The following EDC3 variants were observed in gnomAD, a reference collection of about 807,000 sequenced individuals.
EDC3 encodes enhancer of mRNA decapping 3.
A neutral mutation model predicts 41.8 loss-of-function variants in EDC3; 20 were observed. The ratio of observed to expected loss-of-function variants is 0.48; its 90% CI spans 0.34 to 0.70. The LOEUF is 0.70. EDC3 is among the 30% of genes least tolerant of loss of function. The pLI is 0.01. For missense variants in EDC3, 444 were observed against 636.8 expected (o/e 0.70, Z 3.26); for synonymous variants, 206 against 243.2 (o/e 0.85, Z 1.42).
intron 4 of EDC3, chr15:74,641,368 G>A (rs756662830): frequency 6.6e-6 from 1 of 152,470 alleles, no homozygotes; most frequent in African/African-American, 2.4e-5. Context: ...AAAGTACACT[G>A]TGGAAAATAC....
At chr15:74,646,591 G>A (rs1032152505) in intron 4 of EDC3, among the ~76,000 whole-genome samples, 1 of 152,208 alleles carries the variant, frequency 6.6e-6, no homozygotes, top group African/African-American at 2.4e-5. Context: ...CTCCAGGTAG[G>A]AGTGGAGAAC....
chr15:74,633,405 A>G (rs975649006), intron 6 of EDC3, among the ~76,000 whole-genome samples: 1 of 152,204 alleles, frequency 6.6e-6, no homozygotes, highest in African/African-American at 2.4e-5. Context: ...TGCTGACCCA[A>G]GAAGGGTGAG....
chr15:74,690,791 G>A lies in EDC3; in HGVS notation c.-19+5089C>T, dbSNP rs566630459. Among the ~76,000 whole-genome samples, 49 of 150,582 alleles carry A rather than the reference G, an allele frequency of 3.3e-4. 1 individual carries two copies. In the South Asian group the frequency reaches 8.6e-3, roughly 26 times the overall value. On this transcript the variant is annotated intron_variant, in intron 1 of 6. Coordinates refer to ENST00000315127, the MANE Select transcript of EDC3 (RefSeq NM_025083.5). ...GCAAGACTGTTTCCACCCCCACCCCGCCTCAGAAAAAGAAATCCAGCACAA... is the reference window on the plus strand; with the variant it reads ...GCAAGACTGTTTCCACCCCCACCCCACCTCAGAAAAAGAAATCCAGCACAA...
chr15:74,678,306 A>G (rs1488307023), intron 1 of EDC3, among the ~76,000 whole-genome samples: 1 of 152,194 alleles, frequency 6.6e-6, no homozygotes, highest in Non-Finnish European at 1.5e-5. Context: ...GAATGTTGAC[A>G]GCAGAGAGGG....
At chr15:74,682,347 G>A (rs891027357) in intron 1 of EDC3, among the ~76,000 whole-genome samples, 34 of 151,792 alleles carry the variant, frequency 2.2e-4, no homozygotes, top group Admixed American at 1.8e-3. Context: ...GGCTGGGCAC[G>A]GTGGCTCACG....
At chr15:74,653,531 C>T (rs2062507383) in intron 4 of EDC3, among the ~76,000 whole-genome samples, 1 of 152,144 alleles carries the variant, frequency 6.6e-6, no homozygotes, top group East Asian at 1.9e-4. Flanking sequence ...AAAAGGGCTT[C>T]CTTTCCACTC....
chr15:74,655,681 A>G (rs2062537713), intron 4 of EDC3, 52 bp downstream of exon 4: 10 of 1,523,362 alleles, frequency 6.6e-6, no homozygotes, highest in South Asian at 1.3e-5. Flanking sequence ...TGTTTCAAGC[A>G]TAATAGAAAG....
chr15:74,693,031 G>A (rs2063025858), intron 1 of EDC3: 1 of 152,086 alleles, frequency 6.6e-6, no homozygotes, highest in South Asian at 2.1e-4. Context: ...GAAATGACAA[G>A]GAGAAAAATA....
chr15:74,633,754 G>T (rs550089686), intron 6 of EDC3, among the ~76,000 whole-genome samples: 1 of 152,352 alleles, frequency 6.6e-6, no homozygotes, highest in Non-Finnish European at 1.5e-5. Context: ...GCAAGAGGAA[G>T]AACTGCCTGG....
intron 4 of EDC3, chr15:74,641,370 GGAAAATACTTGGTTTTTCAAGGC>G (rs2062349744): frequency 6.6e-6 from 1 of 152,438 alleles, no homozygotes; most frequent in South Asian, 2.1e-4. Context: ...AGTACACTGT[GGAAAATACTTGGTTTTTCAAGGC>G]TCAAAGCCAA....
chr15:74,652,458 G>C (rs2062492370), intron 4 of EDC3, among the ~76,000 whole-genome samples: 1 of 152,014 alleles, frequency 6.6e-6, no homozygotes, highest in South Asian at 2.1e-4. Flanking sequence ...TCCATCTCCT[G>C]ACCTCGTGAT....
chr15:74,639,256 TA>T (rs2062316445), intron 5 of EDC3: 2 of 152,220 alleles, frequency 1.3e-5, no homozygotes, highest in African/African-American at 2.4e-5. Context: ...CAAGACTAAC[TA>T]TGTCATAGCT....
intron 1 of EDC3, among the ~76,000 whole-genome samples, chr15:74,677,436 T>C (rs150192028): frequency 5.3e-4 from 79 of 148,532 alleles, no homozygotes; most frequent in South Asian, 1.1e-3. Flanking sequence ...TGGTACAATC[T>C]CAGCTCATTG....
intron 6 of EDC3, 114 bp downstream of exon 6, chr15:74,635,295 A>G (rs931171904): frequency 1.0e-6 from 1 of 960,306 alleles, no homozygotes; most frequent in Admixed American, 1.8e-5. Context: ...GAGGCGAAGC[A>G]CCATCCTTAC....
At chr15:74,655,680 C>A in intron 4 of EDC3, 53 bp downstream of exon 4, 3 of 1,517,666 alleles carry the variant, frequency 2.0e-6, no homozygotes, top group South Asian at 2.5e-5. Flanking sequence ...CTGTTTCAAG[C>A]ATAATAGAAA....
Position 74,675,056 on chromosome 15 carries a change from T to G in EDC3, c.69A>C (p.Gly23=), listed in dbSNP as rs1444750422. 6.2e-7 allele frequency: 1 copy of G among 1,614,002 alleles called. No homozygotes were observed. The highest frequency in any genetic ancestry group is 2.2e-5 in the East Asian group (1 of 44,884). The change falls in exon 2 of 7, where the codon GGA becomes GGC. Residue 23 remains glycine, a synonymous_variant. Transcript: ENST00000315127. ...NCGDSLGVYQ[G]RVSAVDQVSQ... ...TGACCTGATCCACAGCTGACACTCT[T>G]CCCTGATAGACACCCAAGCTATCTC... is the stretch of plus-strand genomic sequence containing the variant.
rs181115991 is a variant in EDC3 at position 74,672,569 on chromosome 15, A to G, written c.165-795T>C. ...CATGGCTCATGCCTATAATCCCAGC[A>G]TTTTGGGAGGCCGAGGCAGGCGAAT... On this transcript the variant is annotated intron_variant, in intron 2 of 6. Coordinates refer to ENST00000315127, the MANE Select transcript of EDC3 (RefSeq NM_025083.5). 2.6e-5 allele frequency among the ~76,000 whole-genome samples: 4 copies of G among 152,200 alleles called. No homozygotes were observed. In the East Asian group the frequency reaches 7.8e-4, roughly 30 times the overall value.
chr15:74,675,334 A>AT (rs1292997970), intron 1 of EDC3, among the ~76,000 whole-genome samples, 192 bp from the exon 2 acceptor site: 1 of 152,016 alleles, frequency 6.6e-6, no homozygotes, highest in Non-Finnish European at 1.5e-5. Flanking sequence ...AAATAATATT[A>AT]TTTAATACAT....
At chr15:74,679,946 A>C (rs2062851540) in intron 1 of EDC3, 1 of 151,154 alleles carries the variant, frequency 6.6e-6, no homozygotes, top group Non-Finnish European at 1.5e-5. Context: ...AGTAAAAAAC[A>C]AAACAATAAA....
Sources: allele counts gnomAD v4.1 joint callset (sites outside exome capture counted in the v4.1 genomes callset), GRCh38; gene constraint gnomAD v4.1.1; transcripts MANE v1.5; gene names NCBI Gene and HGNC (gene_info 2026-07-23, HGNC 2026-07-21).